HDAC8: variants seen among roughly 807,000 people sequenced by gnomAD.
HDAC8 encodes histone deacetylase-like 1.
HDAC8 carries 1 observed loss-of-function variant against 32.2 expected under a neutral mutation model. That is an observed-to-expected ratio of 0.03 (90% confidence interval 0.01 to 0.15). The LOEUF (loss-of-function observed/expected upper bound fraction) is 0.15. Ranked by LOEUF, HDAC8 falls within the 10% of genes least tolerant of loss-of-function variation. HDAC8 has a pLI of 1.00. For missense variants in HDAC8, 117 were observed against 300.0 expected, an observed-to-expected ratio of 0.39 and a Z score of 4.51; for synonymous variants, 108 against 113.9, an observed-to-expected ratio of 0.95 and a Z score of 0.33.
intron 9 of HDAC8, among the ~76,000 whole-genome samples, chrX:72,456,208 C>A (rs1051216225): frequency 1.8e-5 from 2 of 111,523 alleles, no homozygotes; most frequent in Non-Finnish European, 1.9e-5. Flanking sequence ...TAAGAAATTT[C>A]TTTTTATCTT....
intron 9 of HDAC8, among the ~76,000 whole-genome samples, chrX:72,422,359 G>T (rs782012472): frequency 2.7e-5 from 3 of 109,864 alleles, no homozygotes; most frequent in Non-Finnish European, 5.7e-5. Context: ...ATTATTCTTC[G>T]TTCTTTTTTT....
At chrX:72,453,460 A>AAAAGAAAGAAAG (rs1555988386) in intron 9 of HDAC8, among the ~76,000 whole-genome samples, 53 of 43,488 alleles carry the variant, frequency 1.2e-3, no homozygotes, top group South Asian at 4.5e-3. Context: ...CTGTCTCTTA[A>AAAAGAAAGAAAG]AAATAAAGAA....
chrX:72,387,523 T>G (rs890032631), intron 9 of HDAC8, among the ~76,000 whole-genome samples: 4 of 111,479 alleles, frequency 3.6e-5, no homozygotes, highest in African/African-American at 6.5e-5. Context: ...CAAGAGAGGT[T>G]GTGTAGGGTA....
At chrX:72,404,403 G>C (rs2045983883) in intron 9 of HDAC8, among the ~76,000 whole-genome samples, 1 of 111,093 alleles carries the variant, frequency 9.0e-6, no homozygotes, top group South Asian at 3.8e-4. Flanking sequence ...ATGACAACAT[G>C]ACTTGCTATT....
At chrX:72,383,326 A>T (rs2045317782) in intron 9 of HDAC8, among the ~76,000 whole-genome samples, 1 of 112,209 alleles carries the variant, frequency 8.9e-6, no homozygotes, top group Middle Eastern at 4.6e-3. Context: ...GAAATTGGGA[A>T]TTCATGGATT....
intron 9 of HDAC8, among the ~76,000 whole-genome samples, chrX:72,438,072 C>G (rs948017713): frequency 4.5e-5 from 5 of 112,234 alleles, no homozygotes; most frequent in Non-Finnish European, 7.5e-5. Flanking sequence ...CAGGGGTCAA[C>G]AGACATCTCA....
At chrX:72,374,115 G>A (rs1239970483) in intron 9 of HDAC8, among the ~76,000 whole-genome samples, 4 of 111,734 alleles carry the variant, frequency 3.6e-5, no homozygotes, top group Non-Finnish European at 7.5e-5. Flanking sequence ...TACAATCATA[G>A]CTCACTGCAG....
At chrX:72,465,703 T>TA (rs1238419956) in intron 7 of HDAC8, among the ~76,000 whole-genome samples, 1 of 111,631 alleles carries the variant, frequency 9.0e-6, no homozygotes, top group African/African-American at 3.3e-5. Context: ...CAAAAAGTGA[T>TA]AAAAAATGTT....
At position 72,572,763 on chromosome X, in the gene HDAC8, T is replaced by C. The variant is rs782534723; in HGVS notation, c.-2A>G. ...CGCCGGTTCCTCCGGCTCCTCCATC[T>C]TCCGCTTAAAACCGTTCCGCAGCCA... On this transcript the variant is annotated 5_prime_UTR_variant, in exon 1 of 11. Transcript: ENST00000373573. The C allele has an allele frequency of 8.3e-7, 1 of 1,206,454 alleles. No individual in the cohort carries two copies. The highest frequency in any genetic ancestry group is 1.1e-6 in the Non-Finnish European group (1 of 890,798).
At chrX:72,420,859 GTC>G (rs781832592) in intron 9 of HDAC8, among the ~76,000 whole-genome samples, 66 of 110,885 alleles carry the variant, frequency 6.0e-4, no homozygotes, top group Non-Finnish European at 4.9e-4. Context: ...TCTAAACTGG[GTC>G]TCTAATAAAT....
intron 9 of HDAC8, among the ~76,000 whole-genome samples, chrX:72,446,125 G>C (rs1350845984): frequency 3.6e-5 from 4 of 112,284 alleles, no homozygotes; most frequent in Non-Finnish European, 7.5e-5. Flanking sequence ...AAGTCAGTGT[G>C]GTGATTCCCC....
intron 2 of HDAC8, among the ~76,000 whole-genome samples, chrX:72,570,230 C>T (rs1185651283): frequency 9.0e-6 from 1 of 111,465 alleles, no homozygotes; most frequent in Non-Finnish European, 1.9e-5. Context: ...TATCTCGGAC[C>T]GTATTTCCCA....
chrX:72,425,062 A>G (rs2046599364), intron 9 of HDAC8, among the ~76,000 whole-genome samples: 2 of 112,000 alleles, frequency 1.8e-5, no homozygotes, highest in Non-Finnish European at 3.8e-5. Context: ...TTTTGGCTAT[A>G]TATCTAGAAG....
At chrX:72,552,789 A>AT (rs1556076933) in intron 4 of HDAC8, among the ~76,000 whole-genome samples, 7 of 100,807 alleles carry the variant, frequency 6.9e-5, no homozygotes, top group African/African-American at 2.4e-4. Flanking sequence ...AAAAAAAAAA[A>AT]AATATATATA....
At chrX:72,567,779 A>G in intron 4 of HDAC8, 110 bp downstream of exon 4, 2 of 1,211,063 alleles carry the variant, frequency 1.7e-6, no homozygotes, top group Non-Finnish European at 1.1e-6. Context: ...GTAAAGTGCC[A>G]CATACACACA....
chrX:72,370,000 C>T (rs1555955793), intron 9 of HDAC8, among the ~76,000 whole-genome samples: 1 of 111,937 alleles, frequency 8.9e-6, no homozygotes, highest in African/African-American at 3.2e-5. Flanking sequence ...TCCTTGTCTC[C>T]CCACTCCACC....
At chrX:72,351,139 G>A (rs1341190373) in intron 10 of HDAC8, 5 of 126,782 alleles carry the variant, frequency 3.9e-5, no homozygotes, top group South Asian at 1.8e-4. Context: ...ACAGGGTCTC[G>A]CCCAGGCTGG....
At chrX:72,449,422 C>T (rs1555986556) in intron 9 of HDAC8, among the ~76,000 whole-genome samples, 1 of 110,370 alleles carries the variant, frequency 9.1e-6, no homozygotes, top group Non-Finnish European at 1.9e-5. Flanking sequence ...ACACTGGGTC[C>T]TGTTGGGGTT....
At chrX:72,463,440 A>G (rs1207783455) in intron 8 of HDAC8, among the ~76,000 whole-genome samples, 1 of 111,991 alleles carries the variant, frequency 8.9e-6, no homozygotes, top group Non-Finnish European at 1.9e-5. Flanking sequence ...CTTTTAATGT[A>G]AAGATTATAG....
Sources: gnomAD v4.1 joint callset for allele counts (sites outside exome capture counted in the v4.1 genomes callset) on GRCh38, gnomAD v4.1.1 for gene constraint, MANE v1.5 for transcripts, NCBI Gene and HGNC (gene_info 2026-07-23, HGNC 2026-07-21) for gene names.